WNT10B: variants seen among roughly 807,000 people sequenced by gnomAD.
WNT10B encodes Wnt family member 10B.
WNT10B carries 26 observed loss-of-function variants against 32.7 expected under a neutral mutation model. The ratio of observed to expected loss-of-function variants is 0.79; its 90% CI spans 0.58 to 1.10. WNT10B has a LOEUF of 1.10. WNT10B is among the 50% of genes least tolerant of loss of function. The pLI, the probability that WNT10B is intolerant of heterozygous loss-of-function variation, is 0.00. For synonymous variants in WNT10B, 204 were observed against 220.4 expected (o/e 0.93, Z 0.66); for missense variants, 474 against 532.5 (o/e 0.89, Z 1.08).
Position 48,968,498 on chromosome 12 carries a change from GCA to G in WNT10B, c.338-181_338-180del, listed in dbSNP as rs375594344. Among the ~76,000 whole-genome samples, 3 of 152,326 alleles carry G rather than the reference GCA, an allele frequency of 2.0e-5. No individual in the cohort carries two copies. In the East Asian group the frequency reaches 5.8e-4, roughly 29 times the overall value. On this transcript the variant is annotated intron_variant, in intron 3 of 4. Coordinates refer to ENST00000301061, the MANE Select transcript of WNT10B (RefSeq NM_003394.4). ...CATGGGACAAGGAAGGGTACAAAAA[GCA>G]CAGAGCCTCAGATTCTTCATTTCTA...
chr12:48,969,065 G>A, intron 3 of WNT10B: 1 of 470,800 alleles, frequency 2.1e-6, no homozygotes, highest in Non-Finnish European at 4.4e-6. Flanking sequence ...GGTCACAGAA[G>A]CTCAGGCTGC....
intron 3 of WNT10B, among the ~76,000 whole-genome samples, chr12:48,968,841 C>T (rs1030671252): frequency 1.3e-5 from 2 of 151,716 alleles, no homozygotes; most frequent in Non-Finnish European, 2.9e-5. Flanking sequence ...AACCAACCTA[C>T]CTACCACCAT....
chr12:48,969,946 A>G (rs1337390809), intron 3 of WNT10B, 143 bp downstream of exon 3: 1 of 1,071,442 alleles, frequency 9.3e-7, no homozygotes, highest in Non-Finnish European at 1.2e-6. Context: ...GACCTGGCTC[A>G]GAGCGGCTCC....
Position 48,970,284 on chromosome 12 carries a change from A to T in WNT10B, c.142T>A (p.Cys48Ser). The T allele has an allele frequency of 6.2e-7, 1 of 1,613,968 alleles. No homozygotes were observed. Among genetic ancestry groups the T allele is most frequent in the Non-Finnish European group, 8.5e-7 (1 of 1,179,930 alleles). The change falls in exon 3 of 5, where the codon TGC (cysteine) becomes AGC (serine). Residue 48 changes from cysteine (C) to serine (S), a missense_variant. Physicochemically the swap from Cys to Ser is moderately radical, Grantham distance 112 (BLOSUM62 -1). Coordinates refer to ENST00000301061, the MANE Select transcript of WNT10B (RefSeq NM_003394.4). The surrounding 1 kb of genome is among the most constrained non-coding windows in gnomAD (Gnocchi z 5.0). ...TTGCTCAGGCCGGACAGCGTCAAGC[A>T]CACGGTGTTGGCCGTCAGCGGCGGC... ...GEPPLTANTV[C>S]LTLSGLSKRQ...
chr12:48,966,254 G>C lies in WNT10B; in HGVS notation c.1011C>G (p.Thr337=). 6.2e-7 allele frequency: 1 copy of C among 1,614,188 alleles called. No individual in the cohort carries two copies. Among genetic ancestry groups the C allele is most frequent in the Non-Finnish European group, 8.5e-7 (1 of 1,180,034 alleles). The stretch of plus-strand genomic sequence containing the variant: ...TGCCACAGCCATCCAACAGGCGGCT[G>C]GTCTTGTTGCAGGCCCGGCCCCTTG... ...PGTRGRACNK[T]SRLLDGCGSL... is the part of the protein sequence containing the mutation. The change falls in exon 5 of 5, where the codon ACC becomes ACG. Residue 337 remains threonine, a synonymous_variant. Transcript: ENST00000301061.
chr12:48,970,272 A>T lies in WNT10B; in HGVS notation c.154T>A (p.Ser52Thr). Residue 52 changes from serine to threonine, a missense_variant, in exon 3 of 5, where the codon TCC becomes ACC. Physicochemically the swap from Ser to Thr is moderately conservative, Grantham distance 58. Coordinates refer to ENST00000301061, the MANE Select transcript of WNT10B (RefSeq NM_003394.4). This position sits in a 1 kb window ranked among gnomAD's most constrained non-coding sequence, Gnocchi z 5.0. ...LTANTVCLTL[S>T]GLSKRQLGLC... is the part of the protein sequence containing the mutation. ...CCTAGCTGCCGCTTGCTCAGGCCGG[A>T]CAGCGTCAAGCACACGGTGTTGGCC... The T allele has an allele frequency of 6.2e-7, 1 of 1,613,752 alleles. No individual in the cohort carries two copies. Among genetic ancestry groups the T allele is most frequent in the Non-Finnish European group, 8.5e-7 (1 of 1,179,864 alleles).
At chr12:48,968,349 G>C (rs761966738) in intron 3 of WNT10B, 30 bp from the exon 4 acceptor site, 107 of 1,599,664 alleles carry the variant, frequency 6.7e-5, no homozygotes, top group Non-Finnish European at 8.9e-5. Context: ...GATGGTGGAG[G>C]TAAGGTTGAC....
chr12:48,967,748 G>A (rs1353602868), intron 4 of WNT10B, among the ~76,000 whole-genome samples, 198 bp downstream of exon 4: 1 of 152,128 alleles, frequency 6.6e-6, no homozygotes, highest in East Asian at 1.9e-4. Context: ...CACCACACTG[G>A]CCTGCTAGCT....
At chr12:48,969,271 C>T in intron 3 of WNT10B, 1 of 389,366 alleles carries the variant, frequency 2.6e-6, no homozygotes. Flanking sequence ...GCTCCTGGGC[C>T]AGCCTTCTGA....
At chr12:48,967,394 C>T (rs1272505875) in intron 4 of WNT10B, among the ~76,000 whole-genome samples, 1 of 151,990 alleles carries the variant, frequency 6.6e-6, no homozygotes, top group Non-Finnish European at 1.5e-5. Context: ...TCGATCTCCT[C>T]ACCTCTTGAT....
At chr12:48,971,231 G>A (rs1364070870) in intron 1 of WNT10B, among the ~76,000 whole-genome samples, 1 of 152,046 alleles carries the variant, frequency 6.6e-6, no homozygotes, top group African/African-American at 2.4e-5. Context: ...CTCCATAGTC[G>A]CCCGTCTGGT....
At position 48,970,118 on chromosome 12, in the gene WNT10B, A is replaced by C; in HGVS notation, c.308T>G (p.Leu103Arg). The C allele has an allele frequency of 6.5e-7, 1 of 1,528,548 alleles. No individual in the cohort carries two copies. Among genetic ancestry groups the C allele is most frequent in the South Asian group, 1.2e-5 (1 of 83,704 alleles). 94.7% of individuals were successfully genotyped at this position (1,528,548 alleles called of 1,614,324 possible). Residue 103 changes from leucine to arginine, a missense_variant, in exon 3 of 5, where the codon CTG becomes CGG. Leu to Arg is a moderately radical substitution (Grantham distance 102, BLOSUM62 -2). Coordinates refer to ENST00000301061, the MANE Select transcript of WNT10B (RefSeq NM_003394.4). This position sits in a 1 kb window ranked among gnomAD's most constrained non-coding sequence, Gnocchi z 5.0. ...NCSALEGGGR[L>R]PHHSAILKRG... ...CTTGAGGATGGCGCTGTGGTGCGGC[A>C]GGCGGCCGCCGCCCTCAAGCGCGGA...
rs933681398 is a variant in WNT10B, at chr12:48,970,258, C to T, written c.168G>A (p.Lys56=). 1 of 1,612,910 alleles carries T rather than the reference C, an allele frequency of 6.2e-7. No homozygotes were observed. Among genetic ancestry groups the T allele is most frequent in the Non-Finnish European group, 8.5e-7 (1 of 1,179,634 alleles). ...TVCLTLSGLS[K]RQLGLCLRNP... The stretch of plus-strand genomic sequence containing the variant: ...TGCGCAGGCACAGGCCTAGCTGCCG[C>T]TTGCTCAGGCCGGACAGCGTCAAGC... The change falls in exon 3 of 5, where the codon AAG becomes AAA. Residue 56 remains lysine (K), a synonymous_variant. Coordinates refer to ENST00000301061, the MANE Select transcript of WNT10B (RefSeq NM_003394.4). This position sits in a 1 kb window ranked among gnomAD's most constrained non-coding sequence, Gnocchi z 5.0.
Position 48,968,337 on chromosome 12 carries a change from G to A in WNT10B, c.338-18C>T, listed in dbSNP as rs887792100. 2 of 1,599,932 alleles carry A rather than the reference G, an allele frequency of 1.3e-6. No homozygotes were observed. Among genetic ancestry groups the A allele is most frequent in the Non-Finnish European group, 1.7e-6 (2 of 1,179,970 alleles). On this transcript the variant is annotated intron_variant, in intron 3 of 4. Transcript: ENST00000301061. ...TCGGAAACCTGGGGATGAGAAGGGT[G>A]TGATGGTGGAGGTAAGGTTGACAGG...
chr12:48,968,109 C>T lies in WNT10B; in HGVS notation c.548G>A (p.Gly183Asp), dbSNP rs373292378. 3.7e-6 allele frequency: 6 copies of T among 1,614,076 alleles called. No homozygotes were observed. The highest frequency in any genetic ancestry group is 5.1e-6 in the Non-Finnish European group (6 of 1,180,028). The change falls in exon 4 of 5, where the codon GGC becomes GAC. Residue 183 changes from glycine to aspartate, a missense_variant. Coordinates refer to ENST00000301061, the MANE Select transcript of WNT10B (RefSeq NM_003394.4). ...CTGGGGGCCAGGGCTGGGGCTTGAG[C>T]CAGGGCCAGGGCTGGGCAGAGAGTG... The part of the protein sequence containing the change: ...FPHSLPSPGP[G>D]SSPSPGPQDT...
rs769431426 is a variant in WNT10B, at chr12:48,970,731, T to C, written c.-40-162A>G. 3.2e-6 allele frequency: 2 copies of C among 623,670 alleles called. No individual in the cohort carries two copies. Among genetic ancestry groups the C allele is most frequent in the Non-Finnish European group, 5.6e-6 (2 of 354,338 alleles). 38.6% of individuals were successfully genotyped at this position (623,670 alleles called of 1,614,324 possible). On this transcript the variant is annotated intron_variant, in intron 1 of 4. Coordinates refer to ENST00000301061, the MANE Select transcript of WNT10B (RefSeq NM_003394.4). This position sits in a 1 kb window ranked among gnomAD's most constrained non-coding sequence, Gnocchi z 5.0. ...AAGAAACACCCCTTGATTCCCAGAG[T>C]CCCTGAGGCTTGGAGGTCTTAAAGA...
chr12:48,970,360 CAAG>C lies in WNT10B; in HGVS notation c.75-12_75-10del. 1.2e-6 allele frequency: 2 copies of C among 1,614,112 alleles called. No homozygotes were observed. The highest frequency in any genetic ancestry group is 3.3e-4 in the Middle Eastern group (2 of 6,062). The stretch of plus-strand genomic sequence containing the variant: ...TCTCATTGCTTAGAGCCCTGGGAAC[CAAG>C]AAGGCGTCTGGGGTCTGCGGTCCAG... On this transcript the variant is annotated splice_polypyrimidine_tract_variant and intron_variant, in intron 2 of 4. Coordinates refer to ENST00000301061, the MANE Select transcript of WNT10B (RefSeq NM_003394.4). The surrounding 1 kb of genome is among the most constrained non-coding windows in gnomAD (Gnocchi z 5.0).
chr12:48,969,196 A>T (rs1940800245), intron 3 of WNT10B: 1 of 462,520 alleles, frequency 2.2e-6, no homozygotes, highest in Non-Finnish European at 4.5e-6. Context: ...GGCTCTCCGG[A>T]GCCCTGAGAA....
rs1940733147 is a variant in WNT10B, at chr12:48,966,377, C to T, written c.888G>A (p.Gln296=). The T allele has an allele frequency of 1.2e-6, 2 of 1,614,166 alleles. No individual in the cohort carries two copies. Among genetic ancestry groups the T allele is most frequent in the Non-Finnish European group, 1.7e-6 (2 of 1,180,028 alleles). ...DTHNRNSGAF[Q]PRLRPRRLSG... ...AGAGGCGACGGGGACGCAGACGGGGCTGGAAGGCTCCAGAATTGCGGTTGT... is the reference window on the plus strand; with the variant it reads ...AGAGGCGACGGGGACGCAGACGGGGTTGGAAGGCTCCAGAATTGCGGTTGT... Residue 296 remains glutamine, a synonymous_variant, in exon 5 of 5, where the codon CAG becomes CAA. Coordinates refer to ENST00000301061, the MANE Select transcript of WNT10B (RefSeq NM_003394.4).
Sources: allele counts gnomAD v4.1 joint callset (sites outside exome capture counted in the v4.1 genomes callset), GRCh38; gene constraint gnomAD v4.1.1; non-coding constraint Gnocchi (gnomAD v3.1); transcripts MANE v1.5; gene names NCBI Gene and HGNC (gene_info 2026-07-23, HGNC 2026-07-21).